CCDC85C: variants seen among roughly 807,000 people sequenced by gnomAD.
The protein encoded by CCDC85C is coiled-coil domain containing 85C, also known as coiled-coil domain-containing protein 85C.
CCDC85C carries 18 observed loss-of-function variants against 38.3 expected under a neutral mutation model. The ratio of observed to expected loss-of-function variants is 0.47; its 90% CI spans 0.33 to 0.70. The LOEUF is 0.70. Among genes scored for constraint, CCDC85C ranks in the 30% least tolerant of loss-of-function variants. The pLI is 0.03. For synonymous variants in CCDC85C, 264 were observed against 293.8 expected (o/e 0.90, Z 1.04); for missense variants, 566 against 621.2 (o/e 0.91, Z 0.94).
Position 99,511,690 on chromosome 14 carries a change from C to G in CCDC85C, c.*3556G>C, listed in dbSNP as rs1417691970. 1 of 152,566 alleles carries G rather than the reference C, an allele frequency of 6.6e-6. No homozygotes were observed. The highest frequency in any genetic ancestry group is 1.5e-5 in the Non-Finnish European group (1 of 68,098). 9.5% of individuals were successfully genotyped at this position (152,566 alleles called of 1,614,324 possible). A position where few individuals can be genotyped will look rare whatever the true frequency, so the allele number is the denominator to read the frequency against. ...CCAAGGCACTCTGGGTGGATCCGCACAGCTGCCTGCCAAGCCAGCCTGCCC... is the reference window on the plus strand; with the variant it reads ...CCAAGGCACTCTGGGTGGATCCGCAGAGCTGCCTGCCAAGCCAGCCTGCCC... On this transcript the variant is annotated 3_prime_UTR_variant, in exon 6 of 6. Transcript: ENST00000380243.
In CCDC85C at chr14:99,515,133, C is replaced by G. The variant is rs1172282585; in HGVS notation, c.*113G>C. Reference sequence around the variant, plus strand: ...GGCGGGCAGCGTCCTATGTACAGTTCACCACAGAGGAAGAAGACAGGGGCT... The same window carrying G: ...GGCGGGCAGCGTCCTATGTACAGTTGACCACAGAGGAAGAAGACAGGGGCT... On this transcript the variant is annotated 3_prime_UTR_variant, in exon 6 of 6. Transcript: ENST00000380243. 1 of 763,258 alleles carries G rather than the reference C, an allele frequency of 1.3e-6. No individual in the cohort carries two copies. The highest frequency in any genetic ancestry group is 2.4e-5 in the Admixed American group (1 of 41,136). The allele number at this position is 763,258 out of a possible 1,614,324, so 47.3% of individuals were successfully genotyped here.
At position 99,504,753 on chromosome 14, in the gene CCDC85C, A is replaced by C. The variant is rs1375640026; in HGVS notation, c.*10493T>G. The C allele has an allele frequency of 6.6e-6, 1 of 152,216 alleles. No homozygotes were observed. Among genetic ancestry groups the C allele is most frequent in the African/African-American group, 2.4e-5 (1 of 41,442 alleles). 9.4% of individuals were successfully genotyped at this position (152,216 alleles called of 1,614,324 possible). A position where few individuals can be genotyped will look rare whatever the true frequency, so the allele number is the denominator to read the frequency against. ...GCATGAGCCACCGTGCCCAGCCTAC[A>C]GGTGAATTTTTTAATTAGCTTCAAA... On this transcript the variant is annotated 3_prime_UTR_variant, in exon 6 of 6. Transcript: ENST00000380243.
At chr14:99,581,752 G>C (rs1487980280) in intron 1 of CCDC85C, among the ~76,000 whole-genome samples, 1 of 152,230 alleles carries the variant, frequency 6.6e-6, no homozygotes, top group Non-Finnish European at 1.5e-5. Context: ...CAGGATGGGG[G>C]CTGACGACCC....
rs1296820172 is a variant in CCDC85C at position 99,502,929 on chromosome 14, A to G, written c.*12317T>C. ...GCCCAGCAGCAGCAGCCAGCCCAACAGCCCAAGAAACCCTCTCCGCAGCCC... is the reference window on the plus strand; with the variant it reads ...GCCCAGCAGCAGCAGCCAGCCCAACGGCCCAAGAAACCCTCTCCGCAGCCC... On this transcript the variant is annotated 3_prime_UTR_variant, in exon 6 of 6. Coordinates refer to ENST00000380243, the MANE Select transcript of CCDC85C (RefSeq NM_001144995.2). 3 of 1,613,752 alleles carry G rather than the reference A, an allele frequency of 1.9e-6. No individual in the cohort carries two copies. In the African/African-American group the frequency reaches 4.0e-5, roughly 22 times the overall value.
At chr14:99,531,603 C>CG (rs1897495449) in intron 2 of CCDC85C, among the ~76,000 whole-genome samples, 1 of 149,214 alleles carries the variant, frequency 6.7e-6, no homozygotes, top group Non-Finnish European at 1.5e-5. Flanking sequence ...GGTGGGACCG[C>CG]GGGGAGTAGG....
intron 1 of CCDC85C, among the ~76,000 whole-genome samples, chr14:99,597,669 C>G (rs2055157574): frequency 6.6e-6 from 1 of 152,210 alleles, no homozygotes; most frequent in Non-Finnish European, 1.5e-5. Flanking sequence ...TCCCCACACA[C>G]ATCCTGGGTC....
At position 99,533,928 on chromosome 14, in the gene CCDC85C, A is replaced by G. The variant is rs1595346928; in HGVS notation, c.867+2087T>C. On this transcript the variant is annotated intron_variant, in intron 2 of 5. Coordinates refer to ENST00000380243, the MANE Select transcript of CCDC85C (RefSeq NM_001144995.2). This position sits in a 1 kb window ranked among gnomAD's most constrained non-coding sequence, Gnocchi z 4.2. ...GCAGGTTTTCTGCAAGTCCGTGGTC[A>G]GGAACTGGGGTGTATTTTTCCAGTG... 6.6e-6 allele frequency among the ~76,000 whole-genome samples: 1 copy of G among 152,256 alleles called. No individual in the cohort carries two copies. Among genetic ancestry groups the G allele is most frequent in the African/African-American group, 2.4e-5 (1 of 41,474 alleles).
At chr14:99,531,403 GAA>G (rs1228215043) in intron 2 of CCDC85C, among the ~76,000 whole-genome samples, 1 of 152,146 alleles carries the variant, frequency 6.6e-6, no homozygotes, top group Non-Finnish European at 1.5e-5. Context: ...GAATCCACAG[GAA>G]AAATAAGAAT....
Position 99,502,088 on chromosome 14 carries a change from TTTAA to T in CCDC85C, c.*13154_*13157del, listed in dbSNP as rs997794088. 2.8e-5 allele frequency: 31 copies of T among 1,117,726 alleles called. No homozygotes were observed. The African/African-American group carries it at 3.1e-4, about 11-fold the overall frequency. 69.2% of individuals were successfully genotyped at this position (1,117,726 alleles called of 1,614,324 possible). On this transcript the variant is annotated 3_prime_UTR_variant, in exon 6 of 6. Transcript: ENST00000380243. ...ACTTGAGTTTATTTATTTATAGTAC[TTTAA>T]TTAAATTTAGGGGAGAATAAGCAAA...
intron 1 of CCDC85C, among the ~76,000 whole-genome samples, chr14:99,552,150 G>A (rs1456804208): frequency 3.3e-5 from 5 of 152,188 alleles, no homozygotes; most frequent in Non-Finnish European, 5.9e-5. Flanking sequence ...TCCCAGGCCC[G>A]GCTAGCCTGC....
chr14:99,597,365 T>G (rs758282452), intron 1 of CCDC85C, among the ~76,000 whole-genome samples: 2 of 152,162 alleles, frequency 1.3e-5, no homozygotes, highest in Non-Finnish European at 2.9e-5. Context: ...AACACACACA[T>G]TCAAAGCTGG....
Position 99,501,294 on chromosome 14 carries a change from A to T in CCDC85C, c.*13952T>A. 9.3e-7 allele frequency: 1 copy of T among 1,075,598 alleles called. No individual in the cohort carries two copies. The highest frequency in any genetic ancestry group is 1.4e-6 in the Non-Finnish European group (1 of 692,158). The allele number at this position is 1,075,598 out of a possible 1,614,324, so 66.6% of individuals were successfully genotyped here. On this transcript the variant is annotated 3_prime_UTR_variant, in exon 6 of 6. Transcript: ENST00000380243. ...AACACGTGGTAGGTTTTTAATAAAT[A>T]CTTGATGCTGCCTGTGAATTTTTCT...
In CCDC85C at chr14:99,516,016, G is replaced by A. The variant is rs1897218883; in HGVS notation, c.1170+172C>T. Among the ~76,000 whole-genome samples, 1 of 152,238 alleles carries A rather than the reference G, an allele frequency of 6.6e-6. No individual in the cohort carries two copies. On this transcript the variant is annotated intron_variant, in intron 5 of 5. Coordinates refer to ENST00000380243, the MANE Select transcript of CCDC85C (RefSeq NM_001144995.2). This position sits in a 1 kb window ranked among gnomAD's most constrained non-coding sequence, Gnocchi z 5.5. ...GGGCAGGGGGCAGCGAGATGACAAC[G>A]GGCCAGGGCTCCTAGCACCTCTGAG...
intron 1 of CCDC85C, among the ~76,000 whole-genome samples, chr14:99,582,198 C>T (rs2054979308): frequency 1.3e-5 from 2 of 152,126 alleles, no homozygotes; most frequent in South Asian, 4.1e-4. Flanking sequence ...CCTGGCCCCC[C>T]ATCACTGTCA....
In CCDC85C at chr14:99,544,677, T is replaced by TA. The variant is rs1897775036; in HGVS notation, c.794-8590_794-8589insT. ...GCCCAGGCTCCAGGGAGCGTCACTC[T>TA]GAACTCCATTATCCTTGACCCATCT... On this transcript the variant is annotated intron_variant, in intron 1 of 5. Transcript: ENST00000380243. This position sits in a 1 kb window ranked among gnomAD's most constrained non-coding sequence, Gnocchi z 5.3. 6.6e-6 allele frequency among the ~76,000 whole-genome samples: 1 copy of TA among 152,144 alleles called. No individual in the cohort carries two copies. The highest frequency in any genetic ancestry group is 1.5e-5 in the Non-Finnish European group (1 of 68,030).
At chr14:99,589,385 A>G (rs8017842) in intron 1 of CCDC85C, among the ~76,000 whole-genome samples, 72,195 of 151,994 alleles carry the variant, frequency 0.47, 18,209 homozygotes, top group African/African-American at 0.66. Context: ...GGAGCTTCCC[A>G]ACCACGAACG....
At position 99,504,680 on chromosome 14, in the gene CCDC85C, C is replaced by T. The variant is rs1175085858; in HGVS notation, c.*10566G>A. ...GGTCAGGCAGGTGTCAAACTCCCGA[C>T]CTCAGGTGATCTGCTCGCCCCAGCC... is the stretch of plus-strand genomic sequence containing the variant. On this transcript the variant is annotated 3_prime_UTR_variant, in exon 6 of 6. Coordinates refer to ENST00000380243, the MANE Select transcript of CCDC85C (RefSeq NM_001144995.2). 1 of 152,160 alleles carries T rather than the reference C, an allele frequency of 6.6e-6. No individual in the cohort carries two copies. The highest frequency in any genetic ancestry group is 6.5e-5 in the Admixed American group (1 of 15,268). The allele number at this position is 152,160 out of a possible 1,614,324, so 9.4% of individuals were successfully genotyped here.
chr14:99,541,144 A>G lies in CCDC85C; in HGVS notation c.794-5056T>C, dbSNP rs530233326. Among the ~76,000 whole-genome samples, 7 of 152,332 alleles carry G rather than the reference A, an allele frequency of 4.6e-5. No homozygotes were observed. In the South Asian group the frequency reaches 1.4e-3, roughly 32 times the overall value. On this transcript the variant is annotated intron_variant, in intron 1 of 5. Transcript: ENST00000380243. ...CTAGCTCAGCACTTGGCACACAGTC[A>G]GCCTCCAGAAAAATGTCTGCAGCCC...
At chr14:99,591,763 C>A (rs969273023) in intron 1 of CCDC85C, among the ~76,000 whole-genome samples, 2 of 142,406 alleles carry the variant, frequency 1.4e-5, no homozygotes, top group East Asian at 2.1e-4. Flanking sequence ...GAAATGGAGT[C>A]TCACTCTGTC....
Sources: gnomAD v4.1 joint callset for allele counts (sites outside exome capture counted in the v4.1 genomes callset) on GRCh38, gnomAD v4.1.1 for gene constraint, Gnocchi (gnomAD v3.1) non-coding constraint, MANE v1.5 for transcripts, NCBI Gene and HGNC (gene_info 2026-07-23, HGNC 2026-07-21) for gene names.